SULF1: variants seen among roughly 807,000 people sequenced by gnomAD.
SULF1 encodes the protein extracellular sulfatase Sulf-1.
SULF1 carries 46 observed loss-of-function variants against 110.5 expected under a neutral mutation model. That is an observed-to-expected ratio of 0.42 (90% CI 0.33 to 0.53). The LOEUF is 0.53. Ranked by LOEUF, SULF1 falls within the 20% of genes least tolerant of loss-of-function variation. SULF1 has a pLI of 0.12. For synonymous variants in SULF1, 371 were observed against 387.1 expected (o/e 0.96, Z 0.49); for missense variants, 941 against 1,094.2 (o/e 0.86, Z 1.98).
chr8:69,553,954 C>T (rs1339315917), intron 3 of SULF1, among the ~76,000 whole-genome samples: 2 of 152,148 alleles, frequency 1.3e-5, no homozygotes, highest in Non-Finnish European at 2.9e-5. Context: ...TTTAATAAAC[C>T]TCCTTTTTGC....
chr8:69,578,934 C>G (rs1208241077), intron 6 of SULF1, among the ~76,000 whole-genome samples: 2 of 150,774 alleles, frequency 1.3e-5, no homozygotes, highest in Non-Finnish European at 3.0e-5. Flanking sequence ...GAGGACAAGG[C>G]TGGCGGATCA....
intron 2 of SULF1, among the ~76,000 whole-genome samples, chr8:69,498,648 A>G (rs751824258): frequency 6.6e-6 from 1 of 152,188 alleles, no homozygotes; most frequent in African/African-American, 2.4e-5. Flanking sequence ...GGGATTAATG[A>G]AAATAGAGGC....
chr8:69,595,037 T>C (rs923541073), intron 8 of SULF1, among the ~76,000 whole-genome samples: 2 of 152,154 alleles, frequency 1.3e-5, no homozygotes, highest in African/African-American at 4.8e-5. Context: ...ACAAATATGT[T>C]CACCTCACTA....
intron 3 of SULF1, among the ~76,000 whole-genome samples, chr8:69,539,449 A>T (rs778272464): frequency 7.9e-5 from 12 of 152,208 alleles, no homozygotes; most frequent in Non-Finnish European, 1.5e-4. Flanking sequence ...GCGCTTGGCA[A>T]TTGCTAACTA....
At chr8:69,493,989 C>G (rs554754479) in intron 1 of SULF1, among the ~76,000 whole-genome samples, 30 of 150,940 alleles carry the variant, frequency 2.0e-4, no homozygotes, top group Non-Finnish European at 9.0e-5. Flanking sequence ...GCTATTTGAA[C>G]AAGCCAAAAA....
intron 13 of SULF1, among the ~76,000 whole-genome samples, chr8:69,618,574 G>A (rs757084211): frequency 1.3e-5 from 2 of 152,168 alleles, no homozygotes; most frequent in African/African-American, 2.4e-5. Context: ...GATGCTGAGG[G>A]ATGACTCGTT....
At chr8:69,538,056 G>C (rs1459185206) in intron 3 of SULF1, among the ~76,000 whole-genome samples, 2 of 151,714 alleles carry the variant, frequency 1.3e-5, no homozygotes, top group Admixed American at 6.6e-5. Flanking sequence ...CGCCCCCCGG[G>C]GTTCACGCCA....
chr8:69,481,154 A>T (rs1363975785), intron 1 of SULF1, among the ~76,000 whole-genome samples: 2 of 152,194 alleles, frequency 1.3e-5, no homozygotes, highest in African/African-American at 4.8e-5. Flanking sequence ...AATGAAAGAA[A>T]TACGTCATAG....
chr8:69,534,870 TA>T (rs5892201), intron 3 of SULF1, among the ~76,000 whole-genome samples: 1,623 of 149,358 alleles, frequency 0.011, 31 homozygotes, highest in African/African-American at 0.035. Flanking sequence ...AAAGGAAATT[TA>T]AAAAAAAAAA....
At chr8:69,554,749 G>A (rs1264834579) in intron 3 of SULF1, among the ~76,000 whole-genome samples, 3 of 151,810 alleles carry the variant, frequency 2.0e-5, no homozygotes, top group Non-Finnish European at 2.9e-5. Flanking sequence ...GGAGGCCGAG[G>A]CAGGAGGATC....
At chr8:69,595,980 G>T (rs758699608) in intron 8 of SULF1, among the ~76,000 whole-genome samples, 3 of 152,102 alleles carry the variant, frequency 2.0e-5, no homozygotes, top group Admixed American at 2.0e-4. Context: ...TATTTCTGTC[G>T]TGTCAGTAAG....
chr8:69,598,415 A>G (rs1014857833), intron 8 of SULF1, among the ~76,000 whole-genome samples: 31 of 152,178 alleles, frequency 2.0e-4, no homozygotes, highest in Non-Finnish European at 1.5e-4. Context: ...TTTTTGAGAT[A>G]GAGTCTCGCT....
intron 5 of SULF1, among the ~76,000 whole-genome samples, chr8:69,574,386 T>C (rs926657466): frequency 2.0e-5 from 3 of 152,114 alleles, no homozygotes; most frequent in African/African-American, 7.2e-5. Context: ...CTCGCTGCAA[T>C]CCCCCAATGA....
intron 3 of SULF1, among the ~76,000 whole-genome samples, chr8:69,520,425 C>T (rs1016625500): frequency 6.6e-6 from 1 of 152,030 alleles, no homozygotes; most frequent in African/African-American, 2.4e-5. Flanking sequence ...TCTTTGATTA[C>T]ACAACCTACC....
At chr8:69,648,644 C>T (rs1277327222) in intron 22 of SULF1, among the ~76,000 whole-genome samples, 1 of 152,178 alleles carries the variant, frequency 6.6e-6, no homozygotes, top group East Asian at 1.9e-4. Context: ...GTTCCTGTGG[C>T]TGGTACAGAG....
At position 69,638,531 on chromosome 8, in the gene SULF1, A is replaced by G. The variant is rs1214249828; in HGVS notation, c.2314A>G (p.Asn772Asp). The change falls in exon 20 of 23, where the codon AAC (asparagine) becomes GAC (aspartate). Residue 772 changes from asparagine (N) to aspartate (D), a missense_variant. By Grantham distance (23) the Asn-to-Asp change is conservative (BLOSUM62 1). Coordinates refer to ENST00000402687, the MANE Select transcript of SULF1 (RefSeq NM_001128205.2). ...LGSFCACTSS[N>D]NNTYWCLRTV... ...ATCTTTCTGTGCTTGCACGAGTTCTAACAATAACACCTACTGGTGTTTGCG... is the reference window on the plus strand; with the variant it reads ...ATCTTTCTGTGCTTGCACGAGTTCTGACAATAACACCTACTGGTGTTTGCG... 1.3e-5 allele frequency: 21 copies of G among 1,613,044 alleles called. No individual in the cohort carries two copies. The highest frequency in any genetic ancestry group is 1.8e-5 in the Non-Finnish European group (21 of 1,179,868).
intron 3 of SULF1, among the ~76,000 whole-genome samples, chr8:69,527,594 C>T (rs529461259): frequency 4.6e-5 from 7 of 152,068 alleles, no homozygotes; most frequent in East Asian, 1.9e-4. Context: ...ACCAGTTATG[C>T]GAAAAACAGA....
chr8:69,630,852 T>C (rs4738005), intron 19 of SULF1, among the ~76,000 whole-genome samples: 150,840 of 152,244 alleles, frequency 0.99, 74,727 homozygotes, highest in East Asian at 1. Flanking sequence ...AGTTTTAGGG[T>C]ACATGTGCAC....
intron 6 of SULF1, 30 bp from the exon 7 acceptor site, chr8:69,586,327 G>T: frequency 6.5e-7 from 1 of 1,540,244 alleles, no homozygotes. Context: ...CATTTTACGT[G>T]AAAAAAATAA....
Sources: gnomAD v4.1 joint callset for allele counts (sites outside exome capture counted in the v4.1 genomes callset) on GRCh38, gnomAD v4.1.1 for gene constraint, MANE v1.5 for transcripts, NCBI Gene and HGNC (gene_info 2026-07-23, HGNC 2026-07-21) for gene names.